FANK1: variants seen among roughly 807,000 people sequenced by gnomAD.
FANK1 encodes fibronectin type III and ankyrin repeat domains 1.
A neutral mutation model predicts 45.3 loss-of-function variants in FANK1; 44 were observed. The observed-to-expected ratio is 0.97, with a 90% CI of 0.76 to 1.25. FANK1 has a LOEUF of 1.25. Among genes scored for constraint, FANK1 ranks in the 50% most tolerant of loss-of-function variants. The pLI is 0.00. For synonymous variants in FANK1, 149 were observed against 152.5 expected (o/e 0.98, Z 0.17); for missense variants, 391 against 424.4 (o/e 0.92, Z 0.69).
At chr10:125,962,987 G>GTTT (rs66624013) in intron 1 of FANK1, among the ~76,000 whole-genome samples, 26 of 140,742 alleles carry the variant, frequency 1.8e-4, no homozygotes, top group Non-Finnish European at 3.2e-4. Flanking sequence ...TATTACTGTG[G>GTTT]TTTTTTTTTT....
At chr10:125,980,653 T>G (rs1213737873) in intron 2 of FANK1, 1 of 291,248 alleles carries the variant, frequency 3.4e-6, no homozygotes, top group African/African-American at 2.3e-5. Context: ...CAGGCTGTTG[T>G]GTTCACTGAC....
chr10:125,988,797 A>G lies in FANK1; in HGVS notation c.316+122A>G, dbSNP rs1951736417. The G allele has an allele frequency of 5.5e-6, 8 of 1,455,760 alleles. No homozygotes were observed. In the East Asian group the frequency reaches 1.8e-4, roughly 33 times the overall value. The allele number at this position is 1,455,760 out of a possible 1,614,324, so 90.2% of individuals were successfully genotyped here. Reference sequence around the variant, plus strand: ...GAAGCAGAAATGATACAATTTTTAAACACTGCAATAATATTTGCTAGTTGG... The same window carrying G: ...GAAGCAGAAATGATACAATTTTTAAGCACTGCAATAATATTTGCTAGTTGG... On this transcript the variant is annotated intron_variant, in intron 3 of 10. Transcript: ENST00000368693.
chr10:125,897,105 C>T (rs1482474275), intron 1 of FANK1, among the ~76,000 whole-genome samples: 1 of 152,282 alleles, frequency 6.6e-6, no homozygotes, highest in African/African-American at 2.4e-5. Flanking sequence ...TTAGAGACCC[C>T]GTCTTACTCC....
intron 1 of FANK1, among the ~76,000 whole-genome samples, chr10:125,978,917 A>G (rs1429725017): frequency 6.6e-6 from 1 of 152,198 alleles, no homozygotes; most frequent in African/African-American, 2.4e-5. Context: ...AGCTACGGCT[A>G]CTTTTGCTGG....
intron 1 of FANK1, among the ~76,000 whole-genome samples, chr10:125,900,935 C>CA (rs1163111496): frequency 3.3e-5 from 5 of 152,146 alleles, no homozygotes; most frequent in Non-Finnish European, 4.4e-5. Context: ...TAGGCGTGTG[C>CA]CACTGTGCCC....
chr10:125,939,987 G>A (rs1948344442), intron 1 of FANK1, among the ~76,000 whole-genome samples: 1 of 151,384 alleles, frequency 6.6e-6, no homozygotes, highest in Non-Finnish European at 1.5e-5. Flanking sequence ...CTGGAGTGAA[G>A]TGTCATGATC....
chr10:125,962,485 C>T (rs1323988328), intron 1 of FANK1, among the ~76,000 whole-genome samples: 2 of 152,108 alleles, frequency 1.3e-5, no homozygotes, highest in African/African-American at 2.4e-5. Flanking sequence ...CTTTAGGTCA[C>T]TGGTGCTCTT....
chr10:125,999,360 C>T (rs922474085), intron 6 of FANK1, among the ~76,000 whole-genome samples: 3 of 151,928 alleles, frequency 2.0e-5, no homozygotes, highest in East Asian at 3.9e-4. Context: ...CCACCACACC[C>T]GGCTAACTTC....
intron 3 of FANK1, chr10:125,994,264 A>G (rs1434904813): frequency 2.2e-6 from 1 of 447,746 alleles, no homozygotes; most frequent in East Asian, 1.6e-4. Context: ...AGGGTTTAGA[A>G]TAACAGGCTG....
At chr10:125,959,806 A>G (rs1949806792) in intron 1 of FANK1, among the ~76,000 whole-genome samples, 1 of 152,228 alleles carries the variant, frequency 6.6e-6, no homozygotes, top group Non-Finnish European at 1.5e-5. Context: ...TTTAAATAAA[A>G]TGTTTTCCTT....
chr10:125,907,420 C>T (rs369361590), intron 1 of FANK1: 1 of 859,986 alleles, frequency 1.2e-6, no homozygotes, highest in Admixed American at 6.2e-5. Flanking sequence ...TCTCAATGTC[C>T]TGGTGTTGTA....
At chr10:125,964,807 CAA>C (rs905421380) in intron 1 of FANK1, among the ~76,000 whole-genome samples, 2 of 152,132 alleles carry the variant, frequency 1.3e-5, no homozygotes, top group Non-Finnish European at 1.5e-5. Context: ...ACTTGTTTTC[CAA>C]AGAGATTTCC....
At chr10:125,995,363 A>G (rs1222499981) in intron 3 of FANK1, 54 bp from the exon 4 acceptor site, 13 of 1,535,020 alleles carry the variant, frequency 8.5e-6, no homozygotes, top group Admixed American at 3.3e-5. Context: ...GATGGCGGGA[A>G]GCAGTCTCCT....
intron 1 of FANK1, among the ~76,000 whole-genome samples, chr10:125,945,022 G>C (rs961092539): frequency 2.0e-5 from 3 of 152,102 alleles, no homozygotes; most frequent in African/African-American, 7.2e-5. Flanking sequence ...GTTCTTCTTA[G>C]TACTTCAGCA....
rs1051659934 is a variant in FANK1 at position 125,994,730 on chromosome 10, T to C, written c.317-687T>C. Reference sequence around the variant, plus strand: ...ACATAGCCCTTTATTCTCCCTCTGCTTGTGCTGCCCGCCTGCCTGTTGGCT... The same window carrying C: ...ACATAGCCCTTTATTCTCCCTCTGCCTGTGCTGCCCGCCTGCCTGTTGGCT... On this transcript the variant is annotated intron_variant, in intron 3 of 10. Transcript: ENST00000368693. The C allele has an allele frequency of 3.6e-5, 35 of 985,328 alleles. No homozygotes were observed. The African/African-American group carries it at 5.8e-4, about 16-fold the overall frequency. 61.0% of individuals were successfully genotyped at this position (985,328 alleles called of 1,614,324 possible).
chr10:125,901,110 G>C (rs1448606787), intron 1 of FANK1, among the ~76,000 whole-genome samples: 1 of 152,114 alleles, frequency 6.6e-6, no homozygotes, highest in Non-Finnish European at 1.5e-5. Context: ...TGTTTTTAAA[G>C]AAATGGTAGA....
intron 6 of FANK1, among the ~76,000 whole-genome samples, chr10:125,997,921 A>T (rs1255743222): frequency 2.0e-5 from 3 of 152,248 alleles, no homozygotes; most frequent in Non-Finnish European, 1.5e-5. Context: ...AGAAATTACC[A>T]CAAGAGAGAC....
intron 1 of FANK1, among the ~76,000 whole-genome samples, chr10:125,919,168 C>A (rs1244680910): frequency 2.9e-5 from 4 of 136,154 alleles, no homozygotes; most frequent in Non-Finnish European, 6.2e-5. Flanking sequence ...GAAACCAACA[C>A]TAGTAAAATA....
At chr10:125,899,350 G>T (rs545947115) in intron 1 of FANK1, among the ~76,000 whole-genome samples, 2 of 151,758 alleles carry the variant, frequency 1.3e-5, no homozygotes, top group Admixed American at 6.6e-5. Flanking sequence ...GTGAGCCACC[G>T]TGCCCGGCCC....
Sources: gnomAD v4.1 joint callset for allele counts (sites outside exome capture counted in the v4.1 genomes callset) on GRCh38, gnomAD v4.1.1 for gene constraint, MANE v1.5 for transcripts, NCBI Gene and HGNC (gene_info 2026-07-23, HGNC 2026-07-21) for gene names.